Variants in PUDP observed in about 807,000 individuals in gnomAD.
The protein encoded by PUDP is pseudouridine-5'-phosphatase.
In PUDP, 8 loss-of-function variants were observed where a neutral mutation model predicts 9.4. The observed-to-expected ratio is 0.85, with a 90% CI of 0.50 to 1.53. The LOEUF is 1.53. Ranked by LOEUF, PUDP falls within the 40% of genes most tolerant of loss-of-function variation. The probability of loss-of-function intolerance (pLI) is 0.00; values close to 1 mark genes in which losing one functional copy is unlikely to be tolerated. For missense variants in PUDP, 188 were observed against 189.7 expected, an observed-to-expected ratio of 0.99 and a Z score of 0.05; for synonymous variants, 99 against 80.7, an observed-to-expected ratio of 1.23 and a Z score of -1.22.
intron 3 of PUDP, among the ~76,000 whole-genome samples, chrX:6,933,967 A>G (rs1928250834): frequency 9.5e-6 from 1 of 104,836 alleles, no homozygotes; most frequent in Non-Finnish European, 2.0e-5. Flanking sequence ...AGCCTCCAAG[A>G]AATATGGGAC....
intron 1 of PUDP, among the ~76,000 whole-genome samples, chrX:7,019,796 A>G (rs1371968068): frequency 9.0e-6 from 1 of 111,410 alleles, no homozygotes; most frequent in Non-Finnish European, 1.9e-5. Flanking sequence ...GCAGGATAGT[A>G]TATTTGTTTG....
At chrX:7,077,162 A>G in intron 3 of PUDP, 58 bp downstream of exon 3, 1 of 1,157,588 alleles carries the variant, frequency 8.6e-7, no homozygotes, top group Non-Finnish European at 1.2e-6. Flanking sequence ...CACTACATGG[A>G]TATTATTTGG....
intron 3 of PUDP, among the ~76,000 whole-genome samples, chrX:6,965,898 G>A (rs1001287490): frequency 9.0e-6 from 1 of 111,449 alleles, no homozygotes; most frequent in African/African-American, 3.3e-5. Context: ...GTTCAAAGTC[G>A]ACTCCAAACA....
chrX:6,804,371 T>A (rs769668087), intron 3 of PUDP, among the ~76,000 whole-genome samples: 17 of 112,083 alleles, frequency 1.5e-4, no homozygotes, highest in African/African-American at 5.5e-4. Context: ...CTCTGTGTTT[T>A]GCTTTGAGGT....
chrX:6,971,395 G>C (rs1928873226), intron 3 of PUDP, among the ~76,000 whole-genome samples: 1 of 108,339 alleles, frequency 9.2e-6, no homozygotes, highest in South Asian at 4.0e-4. Flanking sequence ...ATTTAAAGTA[G>C]TTTTTTCTTT....
upstream of PUDP, among the ~76,000 whole-genome samples, chrX:6,723,892 T>A (rs1924707437): frequency 1.8e-5 from 2 of 111,785 alleles, no homozygotes; most frequent in Non-Finnish European, 3.8e-5. Context: ...AATGTTAGTA[T>A]TTGTTAAACA....
rs187400931 is a variant in PUDP at position 7,056,678 on chromosome X, G to A, written c.511-6206C>T. 9.0e-5 allele frequency among the ~76,000 whole-genome samples: 10 copies of A among 111,366 alleles called. No individual in the cohort carries two copies. In the East Asian group the frequency reaches 2.6e-3, roughly 28 times the overall value. Reference sequence around the variant, plus strand: ...CCCAGGATGCCATGGCAAATCGTGAGCACTGATGAACGTCTGCTAAATTAG... The same window carrying A: ...CCCAGGATGCCATGGCAAATCGTGAACACTGATGAACGTCTGCTAAATTAG... On this transcript the variant is annotated intron_variant, in intron 3 of 3. Transcript: ENST00000381077.
chrX:6,776,501 G>A (rs187610726), intron 3 of PUDP, among the ~76,000 whole-genome samples: 2 of 111,120 alleles, frequency 1.8e-5, no homozygotes, highest in Non-Finnish European at 3.8e-5. Flanking sequence ...ACTACACTCC[G>A]GCCTGGGTGA....
chrX:6,811,132 T>C (rs1640988002), intron 3 of PUDP, among the ~76,000 whole-genome samples: 1 of 110,856 alleles, frequency 9.0e-6, no homozygotes, highest in Non-Finnish European at 1.9e-5. Context: ...AAAATAGGAG[T>C]GTATACAGGT....
chrX:6,780,019 A>T (rs1925531112), intron 3 of PUDP, among the ~76,000 whole-genome samples: 1 of 111,226 alleles, frequency 9.0e-6, no homozygotes, highest in Non-Finnish European at 1.9e-5. Flanking sequence ...CAAAAATGCC[A>T]TTAAAAAGAA....
intron 2 of PUDP, among the ~76,000 whole-genome samples, chrX:7,102,211 C>CA (rs1931754184): frequency 9.4e-6 from 1 of 106,872 alleles, no homozygotes; most frequent in Non-Finnish European, 1.9e-5. Flanking sequence ...TATTAGCAAA[C>CA]AATTCCACAG....
intron 3 of PUDP, among the ~76,000 whole-genome samples, chrX:6,843,498 AT>A (rs755101720): frequency 8.9e-6 from 1 of 111,983 alleles, no homozygotes; most frequent in South Asian, 3.8e-4. Flanking sequence ...CTATTGCTCA[AT>A]TAATAGGGTA....
chrX:6,922,535 C>T (rs1290508144), intron 3 of PUDP, among the ~76,000 whole-genome samples: 1 of 112,240 alleles, frequency 8.9e-6, no homozygotes, highest in South Asian at 3.7e-4. Context: ...TTTTTAATGC[C>T]GGCCAGTAAG....
chrX:6,786,317 G>GC (rs113241922), intron 3 of PUDP, among the ~76,000 whole-genome samples: 61 of 111,703 alleles, frequency 5.5e-4, no homozygotes, highest in African/African-American at 1.9e-3. Flanking sequence ...CAGGGTATCT[G>GC]TTTTTTTAGT....
At chrX:6,821,045 G>A (rs1422743801) in intron 3 of PUDP, among the ~76,000 whole-genome samples, 1 of 110,858 alleles carries the variant, frequency 9.0e-6, no homozygotes, top group African/African-American at 3.3e-5. Flanking sequence ...CTAGGTGGAG[G>A]TTCCCAAACC....
intron 3 of PUDP, among the ~76,000 whole-genome samples, chrX:7,059,537 C>T (rs766946758): frequency 3.8e-4 from 42 of 111,879 alleles, no homozygotes; most frequent in African/African-American, 1.3e-3. Flanking sequence ...TGACGGGAGG[C>T]CCCTATCGGT....
chrX:6,725,328 C>T (rs1924726730), upstream of PUDP, among the ~76,000 whole-genome samples: 1 of 111,590 alleles, frequency 9.0e-6, no homozygotes, highest in African/African-American at 3.3e-5. Flanking sequence ...TTAGTGTATC[C>T]ATCACCTGAG....
intron 3 of PUDP, among the ~76,000 whole-genome samples, chrX:6,927,021 A>G (rs1020267682): frequency 2.0e-5 from 2 of 101,043 alleles, no homozygotes; most frequent in African/African-American, 7.5e-5. Flanking sequence ...TCAAACTCCT[A>G]GGCTCAAGCA....
intron 2 of PUDP, among the ~76,000 whole-genome samples, chrX:7,096,867 T>G (rs1258776306): frequency 2.8e-5 from 3 of 106,444 alleles, no homozygotes; most frequent in African/African-American, 3.4e-5. Flanking sequence ...ATGATTGTGG[T>G]TTTTTTTTTA....
Sources: allele counts gnomAD v4.1 joint callset (sites outside exome capture counted in the v4.1 genomes callset), GRCh38; gene constraint gnomAD v4.1.1; transcripts MANE v1.5; gene names NCBI Gene and HGNC (gene_info 2026-07-23, HGNC 2026-07-21).